KMT2C: variants seen among roughly 807,000 people sequenced by gnomAD.
The protein encoded by KMT2C is histone-lysine N-methyltransferase 2C.
A neutral mutation model predicts 507.9 loss-of-function variants in KMT2C; 88 were observed. The ratio of observed to expected loss-of-function variants is 0.17; its 90% CI spans 0.15 to 0.21. KMT2C has a LOEUF of 0.21. Among genes scored for constraint, KMT2C ranks in the 10% least tolerant of loss-of-function variants. The pLI, the probability that KMT2C is intolerant of heterozygous loss-of-function variation, is 1.00. For missense variants in KMT2C, 4,954 were observed against 5,957.8 expected (o/e 0.83, Z 5.55); for synonymous variants, 2,049 against 2,080.8 (o/e 0.98, Z 0.42).
At position 152,385,362 on chromosome 7, in the gene KMT2C, C is replaced by T. The variant is rs2097415389; in HGVS notation, c.162-26687G>A. On this transcript the variant is annotated intron_variant, in intron 1 of 58. Coordinates refer to ENST00000262189, the MANE Select transcript of KMT2C (RefSeq NM_170606.3). ...GCGCGGTGGCTCACGCCTGTAATCC[C>T]AGCACTTTGGGAGGCCGAGGCGGGC... 1.6e-5 allele frequency among the ~76,000 whole-genome samples: 2 copies of T among 127,934 alleles called. 1 individual carries two copies. The highest frequency in any genetic ancestry group is 1.5e-4 in the Admixed American group (2 of 13,714). The allele number at this position is 127,934 out of a possible 152,430, so 83.9% of individuals were successfully genotyped here.
intron 9 of KMT2C, among the ~76,000 whole-genome samples, chr7:152,260,091 T>G (rs1172308778): frequency 6.6e-6 from 1 of 152,198 alleles, no homozygotes; most frequent in Admixed American, 6.5e-5. Flanking sequence ...TAACCTTCTA[T>G]ACACTGACTT....
At chr7:152,175,173 T>C (rs1362824714) in intron 38 of KMT2C, among the ~76,000 whole-genome samples, 1 of 146,666 alleles carries the variant, frequency 6.8e-6, no homozygotes, top group Admixed American at 6.9e-5. Flanking sequence ...TGAGACAGAG[T>C]CTCACTCTGT....
chr7:152,364,316 G>A (rs2097219706), intron 1 of KMT2C, among the ~76,000 whole-genome samples: 2 of 152,140 alleles, frequency 1.3e-5, no homozygotes, highest in South Asian at 4.1e-4. Context: ...AACATCAAAT[G>A]TAAATTTCAG....
chr7:152,327,178 A>G (rs1022979244), intron 3 of KMT2C, among the ~76,000 whole-genome samples: 14 of 152,234 alleles, frequency 9.2e-5, no homozygotes, highest in Admixed American at 2.6e-4. Flanking sequence ...CAATCTACCT[A>G]TATTTTTTAC....
Position 152,180,901 on chromosome 7 carries a change from T to C in KMT2C, c.6959A>G (p.His2320Arg), listed in dbSNP as rs564291974. 5.0e-6 allele frequency: 8 copies of C among 1,614,126 alleles called. No homozygotes were observed. The East Asian group carries it at 6.7e-5, about 13-fold the overall frequency. The stretch of plus-strand genomic sequence containing the variant: ...AGGCCTTGGCTGATCAGCAACATCA[T>C]GGGCAGTTTGACTTGTTCCAAAAGA... ...SDSFGTSQTA[H>R]DVADQPRPGS... The change falls in exon 36 of 59, where the codon CAT becomes CGT. Residue 2320 changes from histidine (H) to arginine (R), a missense_variant. This residue lies in a region of KMT2C where 1,689 missense variants were observed against 1,654.3 expected (regional missense o/e 1.02). Transcript: ENST00000262189.
At chr7:152,272,249 G>A (rs920634877) in intron 7 of KMT2C, among the ~76,000 whole-genome samples, 1 of 152,092 alleles carries the variant, frequency 6.6e-6, no homozygotes, top group African/African-American at 2.4e-5. Flanking sequence ...ACTGATTTAT[G>A]ATTGCTAACA....
chr7:152,309,548 C>T (rs1008651745), intron 6 of KMT2C, among the ~76,000 whole-genome samples: 5 of 123,750 alleles, frequency 4.0e-5, no homozygotes, highest in Admixed American at 1.9e-4. Flanking sequence ...TAAACGGAGT[C>T]TCTCTCTGTC....
intron 23 of KMT2C, among the ~76,000 whole-genome samples, chr7:152,211,402 A>G (rs2094450747): frequency 6.6e-6 from 1 of 152,234 alleles, no homozygotes; most frequent in South Asian, 2.1e-4. Context: ...AGAGAAATTC[A>G]TGAAATTGCA....
intron 25 of KMT2C, among the ~76,000 whole-genome samples, chr7:152,203,863 G>A (rs1439260533): frequency 1.3e-5 from 2 of 152,010 alleles, no homozygotes; most frequent in Non-Finnish European, 2.9e-5. Flanking sequence ...AGAACATAAG[G>A]AATCCATGAA....
chr7:152,369,766 AC>A (rs2097278502), intron 1 of KMT2C, among the ~76,000 whole-genome samples: 1 of 152,314 alleles, frequency 6.6e-6, no homozygotes, highest in African/African-American at 2.4e-5. Flanking sequence ...ACATGCGGCA[AC>A]CCATCTTAGA....
intron 1 of KMT2C, among the ~76,000 whole-genome samples, chr7:152,421,286 C>T (rs900759386): frequency 6.6e-6 from 1 of 152,148 alleles, no homozygotes; most frequent in Non-Finnish European, 1.5e-5. Flanking sequence ...AAGGCTTATA[C>T]ACTGCTAGTG....
At chr7:152,285,339 T>C (rs2096278446) in intron 6 of KMT2C, among the ~76,000 whole-genome samples, 1 of 152,304 alleles carries the variant, frequency 6.6e-6, no homozygotes. Context: ...CAAAAGGTCA[T>C]GAGTGAATTT....
At position 152,230,229 on chromosome 7, in the gene KMT2C, A is replaced by C. The variant is rs144817426; in HGVS notation, c.2862T>G (p.Thr954=). Residue 954 remains threonine, a synonymous_variant, in exon 17 of 59, where the codon ACT becomes ACG. Transcript: ENST00000262189. The part of the protein sequence containing the change: ...VVLFSSSDKF[T]LNQDMCVVCG... ...ATTGTCAAGTTCAAACCTGATTCAA[A>C]GTGAACTTGTCACTGCTAGAAAACA... 33 of 1,581,918 alleles carry C rather than the reference A, an allele frequency of 2.1e-5. No homozygotes were observed. The highest frequency in any genetic ancestry group is 8.6e-7 in the Non-Finnish European group (1 of 1,158,436).
intron 43 of KMT2C, among the ~76,000 whole-genome samples, chr7:152,160,445 C>A (rs367781294): frequency 4.6e-5 from 7 of 152,064 alleles, no homozygotes; most frequent in African/African-American, 1.7e-4. Context: ...TAGAGCAGTA[C>A]TTCTCCCCTT....
At chr7:152,339,423 C>A (rs1396237823) in intron 2 of KMT2C, among the ~76,000 whole-genome samples, 1 of 152,156 alleles carries the variant, frequency 6.6e-6, no homozygotes, top group Non-Finnish European at 1.5e-5. Flanking sequence ...ATATCATTCA[C>A]CCTCATCACT....
chr7:152,137,987 T>C (rs754982872), intron 58 of KMT2C: 1 of 152,200 alleles, frequency 6.6e-6, no homozygotes, highest in Non-Finnish European at 1.5e-5. Flanking sequence ...ATCCCATGGC[T>C]ATGTTCACGA....
chr7:152,153,813 G>C (rs2091843918), intron 48 of KMT2C, among the ~76,000 whole-genome samples, 197 bp downstream of exon 48: 1 of 151,296 alleles, frequency 6.6e-6, no homozygotes, highest in East Asian at 1.9e-4. Flanking sequence ...CTTTTTACTT[G>C]ACGTAGGCTG....
chr7:152,178,429 A>G (rs1243289530), intron 37 of KMT2C, among the ~76,000 whole-genome samples: 4 of 152,208 alleles, frequency 2.6e-5, no homozygotes. Flanking sequence ...AGGTCTTCAT[A>G]CCTATTGAGG....
chr7:152,296,648 G>C (rs916237393), intron 6 of KMT2C, among the ~76,000 whole-genome samples: 2 of 151,894 alleles, frequency 1.3e-5, no homozygotes, highest in African/African-American at 4.8e-5. Flanking sequence ...ATATGTTCTG[G>C]ATGCACCAAG....
Sources: allele counts gnomAD v4.1 joint callset (sites outside exome capture counted in the v4.1 genomes callset), GRCh38; gene constraint gnomAD v4.1.1; regional missense constraint gnomAD v4.1.1; transcripts MANE v1.5; gene names NCBI Gene and HGNC (gene_info 2026-07-23, HGNC 2026-07-21).